Variants in PARD6G observed in about 807,000 individuals in gnomAD.
The protein encoded by PARD6G is partitioning defective 6 homolog gamma.
PARD6G carries 7 observed loss-of-function variants against 10.7 expected under a neutral mutation model. The ratio of observed to expected loss-of-function variants is 0.66; its 90% CI spans 0.37 to 1.23. The LOEUF is 1.23. PARD6G is among the 50% of genes most tolerant of loss of function. The pLI, the probability that PARD6G is intolerant of heterozygous loss-of-function variation, is 0.02. For synonymous variants in PARD6G, 287 were observed against 269.4 expected, an observed-to-expected ratio of 1.07 and a Z score of -0.64; for missense variants, 548 against 571.8, an observed-to-expected ratio of 0.96 and a Z score of 0.42.
rs1392108778 is a variant in PARD6G, at chr18:80,158,011, G to A, written c.*1760C>T. On this transcript the variant is annotated 3_prime_UTR_variant, in exon 3 of 3. Coordinates refer to ENST00000353265, the MANE Select transcript of PARD6G (RefSeq NM_032510.4). ...GAAAAATATTTCTTTACCTGTATCT[G>A]TATGAAAGATTTGGTCAGAGTTCTC... The A allele has an allele frequency of 6.6e-6, 1 of 152,174 alleles. No homozygotes were observed. 9.4% of individuals were successfully genotyped at this position (152,174 alleles called of 1,614,324 possible). A position where few individuals can be genotyped will look rare whatever the true frequency, so the allele number is the denominator to read the frequency against.
intron 2 of PARD6G, among the ~76,000 whole-genome samples, chr18:80,194,580 T>C (rs947465293): frequency 6.6e-6 from 1 of 152,128 alleles, no homozygotes; most frequent in Non-Finnish European, 1.5e-5. Flanking sequence ...GCATGAGCTA[T>C]GGACATTCAC....
At chr18:80,211,504 G>A (rs538683954) in intron 1 of PARD6G, among the ~76,000 whole-genome samples, 34 of 152,322 alleles carry the variant, frequency 2.2e-4, no homozygotes, top group African/African-American at 8.2e-4. Flanking sequence ...CAATATGGCA[G>A]TTCCTTAAAA....
intron 1 of PARD6G, among the ~76,000 whole-genome samples, chr18:80,234,664 T>C (rs1272180648): frequency 6.6e-6 from 1 of 151,886 alleles, no homozygotes; most frequent in African/African-American, 2.4e-5. Flanking sequence ...TCCCAGCTAC[T>C]CGGGAGGGAG....
chr18:80,177,047 A>C (rs1008830242), intron 2 of PARD6G, among the ~76,000 whole-genome samples: 7 of 144,458 alleles, frequency 4.8e-5, no homozygotes, highest in Non-Finnish European at 9.1e-5. Flanking sequence ...ACACACACAC[A>C]CCACAGTATA....
intron 1 of PARD6G, among the ~76,000 whole-genome samples, chr18:80,210,709 T>C (rs1239548983): frequency 2.0e-5 from 3 of 152,348 alleles, no homozygotes; most frequent in Non-Finnish European, 4.4e-5. Context: ...ATAGGTTATC[T>C]ACAAAGGGAA....
rs1005378723 is a variant in PARD6G, at chr18:80,183,042, C to T, written c.295+19668G>A. 2.9e-6 allele frequency: 2 copies of T among 699,050 alleles called. No homozygotes were observed. Among genetic ancestry groups the T allele is most frequent in the African/African-American group, 3.5e-5 (2 of 57,154 alleles). The allele number at this position is 699,050 out of a possible 1,614,324, so 43.3% of individuals were successfully genotyped here. ...TCTCATGAGGGGCCAGCTGCGTGGG[C>T]CATCCATTCTCTACCATGGCATGCC... is the stretch of plus-strand genomic sequence containing the variant. On this transcript the variant is annotated intron_variant, in intron 2 of 2. Transcript: ENST00000353265. The surrounding 1 kb of genome is among the most constrained non-coding windows in gnomAD (Gnocchi z 4.5).
intron 1 of PARD6G, among the ~76,000 whole-genome samples, chr18:80,240,959 C>T (rs1279363264): frequency 6.6e-6 from 1 of 152,096 alleles, no homozygotes; most frequent in Non-Finnish European, 1.5e-5. Flanking sequence ...AGTAGTTGCT[C>T]AGTAAATGAG....
chr18:80,221,076 G>C (rs1967223153), intron 1 of PARD6G, among the ~76,000 whole-genome samples: 1 of 152,022 alleles, frequency 6.6e-6, no homozygotes, highest in South Asian at 2.1e-4. Context: ...TTGTTTAATT[G>C]AATTATCTGG....
intron 1 of PARD6G, among the ~76,000 whole-genome samples, chr18:80,219,853 T>G (rs534129959): frequency 1.7e-4 from 26 of 152,302 alleles, no homozygotes; most frequent in African/African-American, 6.3e-4. Flanking sequence ...AGCTCAAGTC[T>G]CTAGAAAGTT....
At chr18:80,214,000 A>C (rs1301423038) in intron 1 of PARD6G, among the ~76,000 whole-genome samples, 1 of 152,046 alleles carries the variant, frequency 6.6e-6, no homozygotes, top group African/African-American at 2.4e-5. Flanking sequence ...TACACAAAGA[A>C]ACTGAAATAA....
chr18:80,207,970 G>C (rs963544695), intron 1 of PARD6G, among the ~76,000 whole-genome samples: 1 of 152,166 alleles, frequency 6.6e-6, no homozygotes, highest in African/African-American at 2.4e-5. Context: ...TTCAGAGTCA[G>C]AAAAGTGGCA....
At chr18:80,198,051 C>T (rs750701671) in intron 2 of PARD6G, among the ~76,000 whole-genome samples, 37 of 152,336 alleles carry the variant, frequency 2.4e-4, no homozygotes, top group Non-Finnish European at 4.9e-4. Flanking sequence ...CAGCAGAAGC[C>T]TAGCAAATAA....
At chr18:80,232,177 C>T (rs1967365000) in intron 1 of PARD6G, among the ~76,000 whole-genome samples, 1 of 152,002 alleles carries the variant, frequency 6.6e-6, no homozygotes, top group South Asian at 2.1e-4. Context: ...TCTGCCCCCG[C>T]CCCCCAAGCC....
chr18:80,182,940 C>T lies in PARD6G; in HGVS notation c.295+19770G>A, dbSNP rs1276979720. ...TGCGTGTGCCACAACACTGCAGGCC[C>T]CACACCACGCAGCCAGACGCCCCTC... On this transcript the variant is annotated intron_variant, in intron 2 of 2. Transcript: ENST00000353265. The surrounding 1 kb of genome is among the most constrained non-coding windows in gnomAD (Gnocchi z 4.5). The T allele has an allele frequency of 1.5e-5, 9 of 611,400 alleles. No individual in the cohort carries two copies. Among genetic ancestry groups the T allele is most frequent in the Non-Finnish European group, 2.6e-5 (9 of 341,428 alleles). The allele number at this position is 611,400 out of a possible 1,614,324, so 37.9% of individuals were successfully genotyped here.
At position 80,184,137 on chromosome 18, in the gene PARD6G, G is replaced by A. The variant is rs1461181219; in HGVS notation, c.295+18573C>T. On this transcript the variant is annotated intron_variant, in intron 2 of 2. Coordinates refer to ENST00000353265, the MANE Select transcript of PARD6G (RefSeq NM_032510.4). This position sits in a 1 kb window ranked among gnomAD's most constrained non-coding sequence, Gnocchi z 4.5. ...CTTCAACCAGATGAGGGGCGTTTAGGAAAACCCACAGCTGAAGTCACATTC... is the reference window on the plus strand; with the variant it reads ...CTTCAACCAGATGAGGGGCGTTTAGAAAAACCCACAGCTGAAGTCACATTC... 1.3e-5 allele frequency: 2 copies of A among 152,286 alleles called. No homozygotes were observed. The highest frequency in any genetic ancestry group is 4.1e-4 in the South Asian group (2 of 4,832). 9.4% of individuals were successfully genotyped at this position (152,286 alleles called of 1,614,324 possible).
chr18:80,222,587 C>T (rs1967243888), intron 1 of PARD6G, among the ~76,000 whole-genome samples: 3 of 152,308 alleles, frequency 2.0e-5, no homozygotes, highest in East Asian at 1.9e-4. Context: ...TCAAAACTTA[C>T]ACATAGTACT....
intron 1 of PARD6G, among the ~76,000 whole-genome samples, chr18:80,241,759 G>A (rs1456344055): frequency 2.6e-5 from 4 of 152,160 alleles, no homozygotes; most frequent in Non-Finnish European, 4.4e-5. Context: ...TTGCCCAGAG[G>A]AAGTGGATTT....
At chr18:80,212,062 T>C in intron 1 of PARD6G, among the ~76,000 whole-genome samples, 1 of 152,096 alleles carries the variant, frequency 6.6e-6, no homozygotes, top group East Asian at 1.9e-4. Flanking sequence ...TAAAAAAAAA[T>C]CGATTCCCAG....
At chr18:80,224,189 T>A (rs1967261658) in intron 1 of PARD6G, among the ~76,000 whole-genome samples, 1 of 152,236 alleles carries the variant, frequency 6.6e-6, no homozygotes, top group African/African-American at 2.4e-5. Context: ...ATTCAACTTC[T>A]ATACTGAAGG....
Sources: gnomAD v4.1 joint callset for allele counts (sites outside exome capture counted in the v4.1 genomes callset) on GRCh38, gnomAD v4.1.1 for gene constraint, Gnocchi (gnomAD v3.1) non-coding constraint, MANE v1.5 for transcripts, NCBI Gene and HGNC (gene_info 2026-07-23, HGNC 2026-07-21) for gene names.